The following PAX3 variants were observed in gnomAD, a reference collection of about 807,000 sequenced individuals.
PAX3 encodes paired box protein Pax-3.
PAX3 carries 14 observed loss-of-function variants against 51.6 expected under a neutral mutation model. The observed-to-expected ratio is 0.27, with a 90% confidence interval of 0.18 to 0.42. The LOEUF (loss-of-function observed/expected upper bound fraction) is 0.42, where lower values mean the gene tolerates loss of function less well. Ranked by LOEUF, PAX3 falls within the 10% of genes least tolerant of loss-of-function variation. PAX3 has a pLI of 1.00. For missense variants in PAX3, 540 were observed against 642.8 expected, an observed-to-expected ratio of 0.84 and a Z score of 1.73; for synonymous variants, 280 against 253.4, an observed-to-expected ratio of 1.11 and a Z score of -1.00.
At chr2:222,270,578 C>G (rs1694217791) in intron 4 of PAX3, among the ~76,000 whole-genome samples, 2 of 152,166 alleles carry the variant, frequency 1.3e-5, no homozygotes, top group East Asian at 3.8e-4. Context: ...GCTTATCCAT[C>G]TGGTTCAGAG....
chr2:222,293,437 A>AT (rs45466693), intron 4 of PAX3, among the ~76,000 whole-genome samples: 1 of 151,530 alleles, frequency 6.6e-6, no homozygotes, highest in South Asian at 2.1e-4. Flanking sequence ...CATGGGGGAG[A>AT]TTTTTTTTCT....
intron 4 of PAX3, among the ~76,000 whole-genome samples, chr2:222,248,237 A>T (rs1693298221): frequency 6.6e-6 from 1 of 152,222 alleles, no homozygotes; most frequent in South Asian, 2.1e-4. Flanking sequence ...TCTGCTAAGA[A>T]TTCACTTTAT....
intron 4 of PAX3, among the ~76,000 whole-genome samples, chr2:222,259,925 C>T (rs993294386): frequency 1.3e-5 from 2 of 152,186 alleles, no homozygotes; most frequent in Non-Finnish European, 2.9e-5. Context: ...CTCTGTCACC[C>T]AGGCTGGAGT....
intron 7 of PAX3, among the ~76,000 whole-genome samples, chr2:222,212,533 C>G (rs1281227561): frequency 1.3e-5 from 2 of 151,682 alleles, no homozygotes; most frequent in East Asian, 3.9e-4. Flanking sequence ...ATGTCAAGAG[C>G]AATTTTTAAA....
At chr2:222,269,361 G>A (rs759176029) in intron 4 of PAX3, among the ~76,000 whole-genome samples, 7 of 151,998 alleles carry the variant, frequency 4.6e-5, no homozygotes, top group Non-Finnish European at 1.0e-4. Context: ...TTCTTTAATT[G>A]CCCTTTGAAT....
Position 222,216,103 on chromosome 2 carries a change from C to A in PAX3, c.1173+4037G>T, listed in dbSNP as rs143256016. Among the ~76,000 whole-genome samples, 388 of 152,216 alleles carry A rather than the reference C, an allele frequency of 2.5e-3. 4 individuals are homozygous for A. The highest frequency in any genetic ancestry group is 0.019 in the Admixed American group (283 of 15,280). ...TTGTGAAGCCATTCAACCATGGCTGCAAGAAAATTCAGTCGAATATCACTG... is the reference window on the plus strand; with the variant it reads ...TTGTGAAGCCATTCAACCATGGCTGAAAGAAAATTCAGTCGAATATCACTG... On this transcript the variant is annotated intron_variant, in intron 7 of 8. Coordinates refer to ENST00000392070, the MANE Select transcript of PAX3 (RefSeq NM_181458.4).
chr2:222,281,495 C>A (rs1694644935), intron 4 of PAX3, among the ~76,000 whole-genome samples: 1 of 152,264 alleles, frequency 6.6e-6, no homozygotes, highest in Non-Finnish European at 1.5e-5. Context: ...CTGCCTGCCA[C>A]TTCCCTTCAC....
chr2:222,231,940 T>C (rs2106094658), intron 5 of PAX3, 138 bp downstream of exon 5: 1 of 769,744 alleles, frequency 1.3e-6, no homozygotes, highest in East Asian at 2.6e-5. Flanking sequence ...ATAATCAAAG[T>C]CCTAACAATA....
intron 4 of PAX3, among the ~76,000 whole-genome samples, chr2:222,283,816 A>G (rs1694732027): frequency 1.3e-5 from 2 of 152,214 alleles, no homozygotes. Flanking sequence ...CCTATTTTGG[A>G]GACAGGTCAG....
intron 4 of PAX3, among the ~76,000 whole-genome samples, chr2:222,274,870 C>T (rs989793535): frequency 6.6e-6 from 1 of 152,162 alleles, no homozygotes; most frequent in Non-Finnish European, 1.5e-5. Context: ...CGCCATATCT[C>T]TCATAAATTC....
intron 7 of PAX3, among the ~76,000 whole-genome samples, chr2:222,211,198 C>T (rs1350030940): frequency 3.9e-5 from 6 of 152,066 alleles, no homozygotes; most frequent in Admixed American, 3.9e-4. Flanking sequence ...ATAATGAAAC[C>T]CTGTTGCAAT....
At chr2:222,265,044 C>T (rs1323300496) in intron 4 of PAX3, 1 of 152,150 alleles carries the variant, frequency 6.6e-6, no homozygotes, top group Non-Finnish European at 1.5e-5. Context: ...TCCCACAGTG[C>T]CCTGGACTCT....
chr2:222,280,434 G>A (rs978126233), intron 4 of PAX3, among the ~76,000 whole-genome samples: 33 of 132,806 alleles, frequency 2.5e-4, no homozygotes, highest in Non-Finnish European at 3.6e-4. Context: ...AGAAAGGAAG[G>A]AAGGAAGGAA....
At chr2:222,254,085 G>A (rs1693543474) in intron 4 of PAX3, among the ~76,000 whole-genome samples, 1 of 151,632 alleles carries the variant, frequency 6.6e-6, no homozygotes, top group Admixed American at 6.6e-5. Context: ...AGAGCTCACA[G>A]TACAGCAAAT....
intron 4 of PAX3, among the ~76,000 whole-genome samples, chr2:222,286,508 A>C (rs1418508991): frequency 6.6e-6 from 1 of 152,272 alleles, no homozygotes; most frequent in Non-Finnish European, 1.5e-5. Flanking sequence ...GTGGACATAA[A>C]AACTCAGACT....
At chr2:222,229,048 C>A (rs997830841) in intron 5 of PAX3, among the ~76,000 whole-genome samples, 1 of 152,032 alleles carries the variant, frequency 6.6e-6, no homozygotes, top group Non-Finnish European at 1.5e-5. Flanking sequence ...TCAAAAGAGG[C>A]ATGATTGGAC....
At chr2:222,222,642 G>T (rs1327746917) in intron 5 of PAX3, among the ~76,000 whole-genome samples, 2 of 152,084 alleles carry the variant, frequency 1.3e-5, no homozygotes, top group Non-Finnish European at 2.9e-5. Context: ...TGATCCACCC[G>T]CCTCGACCTC....
chr2:222,220,232 G>T lies in PAX3; in HGVS notation c.1081C>A (p.His361Asn). 2 of 1,613,954 alleles carry T rather than the reference G, an allele frequency of 1.2e-6. No homozygotes were observed. Among genetic ancestry groups the T allele is most frequent in the Non-Finnish European group, 1.7e-6 (2 of 1,179,948 alleles). The part of the protein sequence containing the change: ...SSAYCLPSTR[H>N]GFSSYTDSFV... ...CTGTCTGTATAGCTGGAAAATCCAT[G>T]CCTGGTGCTGGGGAGGCAGTAGGCA... is the stretch of plus-strand genomic sequence containing the variant. The change falls in exon 7 of 9, where the codon CAT (histidine) becomes AAT (asparagine). Residue 361 changes from histidine (H) to asparagine (N), a missense_variant. By Grantham distance (68) the His-to-Asn change is moderately conservative. Around this residue, in one of 3 missense-constraint regions of PAX3, gnomAD observed 427 missense variants for 483.6 expected, o/e 0.88. Transcript: ENST00000392070.
At chr2:222,246,542 C>T (rs1301837628) in intron 4 of PAX3, among the ~76,000 whole-genome samples, 1 of 151,890 alleles carries the variant, frequency 6.6e-6, no homozygotes, top group African/African-American at 2.4e-5. Flanking sequence ...AAAAGAATTG[C>T]TATTGATTTT....
Sources: gnomAD v4.1 joint callset for allele counts (sites outside exome capture counted in the v4.1 genomes callset) on GRCh38, gnomAD v4.1.1 for gene constraint, gnomAD v4.1.1 regional missense constraint, MANE v1.5 for transcripts, NCBI Gene and HGNC (gene_info 2026-07-23, HGNC 2026-07-21) for gene names.